The following NELL1 variants were observed in gnomAD, a reference collection of about 807,000 sequenced individuals.
The protein encoded by NELL1 is neural EGFL like 1, also known as protein kinase C-binding protein NELL1.
In NELL1, 76 loss-of-function variants were observed where a neutral mutation model predicts 107.4. The ratio of observed to expected loss-of-function variants is 0.71; its 90% CI spans 0.59 to 0.86. NELL1 has a LOEUF of 0.86. NELL1 is among the 40% of genes least tolerant of loss of function. The pLI, the probability that NELL1 is intolerant of heterozygous loss-of-function variation, is 0.00. For synonymous variants in NELL1, 353 were observed against 341.2 expected (o/e 1.03, Z -0.38); for missense variants, 1,024 against 1,005.5 (o/e 1.02, Z -0.25).
intron 12 of NELL1, among the ~76,000 whole-genome samples, chr11:21,012,265 C>T (rs190085990): frequency 7.2e-5 from 11 of 152,238 alleles, no homozygotes; most frequent in Admixed American, 7.2e-4. Context: ...TTTATTCCAA[C>T]CTTGAGAGCA....
chr11:20,853,541 A>C (rs1007133783), intron 4 of NELL1, among the ~76,000 whole-genome samples: 1 of 152,218 alleles, frequency 6.6e-6, no homozygotes, highest in African/African-American at 2.4e-5. Flanking sequence ...ATTTAGCTAG[A>C]GGGTATAGGC....
intron 12 of NELL1, among the ~76,000 whole-genome samples, chr11:21,074,253 C>T (rs189071594): frequency 6.6e-6 from 1 of 152,224 alleles, no homozygotes; most frequent in East Asian, 1.9e-4. Context: ...TAACGAGACT[C>T]CTGGATCATT....
chr11:21,211,414 T>G (rs1857494804), intron 13 of NELL1, among the ~76,000 whole-genome samples: 1 of 152,104 alleles, frequency 6.6e-6, no homozygotes. Flanking sequence ...GCTGGGCACG[T>G]AGGTAAAGGC....
chr11:21,229,142 T>C (rs72943897), intron 13 of NELL1, among the ~76,000 whole-genome samples, 190 bp from the exon 14 acceptor site: 6 of 152,300 alleles, frequency 3.9e-5, no homozygotes, highest in Non-Finnish European at 8.8e-5. Flanking sequence ...TTTCTTTACC[T>C]GCAAAGTAGG....
chr11:21,452,571 C>T (rs1432186754), intron 15 of NELL1, among the ~76,000 whole-genome samples: 2 of 151,892 alleles, frequency 1.3e-5, no homozygotes, highest in Non-Finnish European at 2.9e-5. Flanking sequence ...ATAATTCTGT[C>T]TAGAAGTTTA....
At chr11:20,690,087 T>A (rs1024110927) in intron 2 of NELL1, among the ~76,000 whole-genome samples, 6 of 152,346 alleles carry the variant, frequency 3.9e-5, no homozygotes, top group Admixed American at 1.3e-4. Flanking sequence ...ATGTCTTCTT[T>A]TGAGAAGTGT....
intron 2 of NELL1, among the ~76,000 whole-genome samples, chr11:20,686,463 A>G (rs1292215429): frequency 2.0e-5 from 3 of 152,188 alleles, no homozygotes; most frequent in African/African-American, 7.2e-5. Context: ...TGAGCAAAGA[A>G]TGATTCGTGA....
chr11:20,937,901 A>AATAG, intron 10 of NELL1, 42 bp downstream of exon 10: 1 of 1,575,280 alleles, frequency 6.3e-7, no homozygotes, highest in South Asian at 1.1e-5. Flanking sequence ...CTGGAAAATG[A>AATAG]ATAGATAGAT....
intron 13 of NELL1, among the ~76,000 whole-genome samples, chr11:21,131,827 C>T (rs535779984): frequency 6.6e-6 from 1 of 152,118 alleles, no homozygotes; most frequent in Non-Finnish European, 1.5e-5. Flanking sequence ...CTGAATATTG[C>T]ATGTAACTTT....
intron 14 of NELL1, among the ~76,000 whole-genome samples, chr11:21,314,317 G>A (rs558122067): frequency 6.6e-6 from 1 of 152,222 alleles, no homozygotes; most frequent in South Asian, 2.1e-4. Flanking sequence ...TTTCAGAGGA[G>A]ACAAATATTT....
chr11:20,768,864 G>C (rs1856586592), intron 2 of NELL1, among the ~76,000 whole-genome samples: 1 of 152,170 alleles, frequency 6.6e-6, no homozygotes, highest in South Asian at 2.1e-4. Context: ...ACCTGTTTCA[G>C]ACATCTGACC....
At chr11:21,416,957 A>AT (rs573813835) in intron 15 of NELL1, among the ~76,000 whole-genome samples, 2 of 151,884 alleles carry the variant, frequency 1.3e-5, no homozygotes, top group African/African-American at 2.4e-5. Context: ...ATATAAGTTT[A>AT]TTTTTTTTAG....
At chr11:21,334,529 G>T (rs1261227943) in intron 14 of NELL1, among the ~76,000 whole-genome samples, 1 of 151,748 alleles carries the variant, frequency 6.6e-6, no homozygotes, top group Non-Finnish European at 1.5e-5. Context: ...TCTCCTAAAG[G>T]ACTGTGTAAG....
intron 15 of NELL1, among the ~76,000 whole-genome samples, chr11:21,461,023 T>G (rs1220990363): frequency 1.3e-5 from 2 of 152,108 alleles, no homozygotes; most frequent in African/African-American, 4.8e-5. Flanking sequence ...GGTAAACATC[T>G]TCAGTAATAA....
chr11:20,997,025 A>G (rs1381263757), intron 12 of NELL1, among the ~76,000 whole-genome samples: 3 of 152,160 alleles, frequency 2.0e-5, no homozygotes, highest in Non-Finnish European at 2.9e-5. Flanking sequence ...TGCTTTTGCA[A>G]AAAAACTTTA....
At chr11:21,049,322 AG>A (rs1385115214) in intron 12 of NELL1, among the ~76,000 whole-genome samples, 1 of 152,212 alleles carries the variant, frequency 6.6e-6, no homozygotes, top group Non-Finnish European at 1.5e-5. Flanking sequence ...TAGGCCATAA[AG>A]CCCCTGCAGT....
At position 20,847,893 on chromosome 11, in the gene NELL1, G is replaced by A. The variant is rs1339478709; in HGVS notation, c.506+140G>A. ...TAATTGTAATTTAACCTACCAAATGGGACCTTAGGCATGCTGAAATGACCA... is the reference window on the plus strand; with the variant it reads ...TAATTGTAATTTAACCTACCAAATGAGACCTTAGGCATGCTGAAATGACCA... On this transcript the variant is annotated intron_variant, in intron 4 of 19. Transcript: ENST00000357134. The A allele has an allele frequency of 4.8e-6, 4 of 837,990 alleles. No homozygotes were observed. The African/African-American group carries it at 6.9e-5, about 14-fold the overall frequency. 51.9% of individuals were successfully genotyped at this position (837,990 alleles called of 1,614,324 possible).
intron 12 of NELL1, among the ~76,000 whole-genome samples, chr11:21,103,118 G>A (rs1167043182): frequency 2.0e-5 from 3 of 152,242 alleles, no homozygotes; most frequent in East Asian, 1.9e-4. Flanking sequence ...TTAATGAACC[G>A]AGGTTGTGTT....
chr11:20,940,624 C>T (rs1321666370), intron 10 of NELL1, among the ~76,000 whole-genome samples: 2 of 152,060 alleles, frequency 1.3e-5, no homozygotes, highest in Non-Finnish European at 2.9e-5. Context: ...ATAAGCTTTC[C>T]AAAGACCAAG....
Sources: gnomAD v4.1 joint callset for allele counts (sites outside exome capture counted in the v4.1 genomes callset) on GRCh38, gnomAD v4.1.1 for gene constraint, MANE v1.5 for transcripts, NCBI Gene and HGNC (gene_info 2026-07-23, HGNC 2026-07-21) for gene names.